Variants in POLR3B observed in about 807,000 individuals in gnomAD.
POLR3B encodes DNA-directed RNA polymerase III subunit RPC2.
A neutral mutation model predicts 147.4 loss-of-function variants in POLR3B; 96 were observed. That is an observed-to-expected ratio of 0.65 (90% confidence interval 0.55 to 0.77). POLR3B has a LOEUF of 0.77. Ranked by LOEUF, POLR3B falls within the 30% of genes least tolerant of loss-of-function variation. The probability of loss-of-function intolerance (pLI) is 0.00; values close to 1 mark genes in which losing one functional copy is unlikely to be tolerated. For missense variants in POLR3B, 1,036 were observed against 1,413.5 expected (o/e 0.73, Z 4.28); for synonymous variants, 461 against 485.9 (o/e 0.95, Z 0.67).
chr12:106,452,306 A>G (rs548360111), intron 19 of POLR3B, among the ~76,000 whole-genome samples: 1 of 152,358 alleles, frequency 6.6e-6, no homozygotes, highest in Non-Finnish European at 1.5e-5. Context: ...AAAGGCCTTT[A>G]GAGAAAACTT....
intron 19 of POLR3B, among the ~76,000 whole-genome samples, chr12:106,453,890 C>T (rs2037831661): frequency 6.6e-6 from 1 of 152,134 alleles, no homozygotes; most frequent in Non-Finnish European, 1.5e-5. Flanking sequence ...GGGGCCAAGC[C>T]TTTTCTCATT....
At chr12:106,421,027 T>C (rs1187488123) in intron 12 of POLR3B, among the ~76,000 whole-genome samples, 1 of 152,232 alleles carries the variant, frequency 6.6e-6, no homozygotes, top group Non-Finnish European at 1.5e-5. Context: ...TTGAACTTTA[T>C]AGAAATAGAT....
intron 19 of POLR3B, among the ~76,000 whole-genome samples, chr12:106,452,644 T>C (rs1285980568): frequency 6.6e-6 from 1 of 152,196 alleles, no homozygotes; most frequent in Non-Finnish European, 1.5e-5. Flanking sequence ...TTATTGTCAG[T>C]GAACTTTACC....
At chr12:106,470,997 G>C (rs1417535932) in intron 23 of POLR3B, among the ~76,000 whole-genome samples, 1 of 152,194 alleles carries the variant, frequency 6.6e-6, no homozygotes, top group Non-Finnish European at 1.5e-5. Context: ...CTTCAGAGTT[G>C]TCAGGCAGTG....
At chr12:106,378,817 T>G (rs1488129561) in intron 8 of POLR3B, among the ~76,000 whole-genome samples, 2 of 152,312 alleles carry the variant, frequency 1.3e-5, no homozygotes, top group African/African-American at 4.8e-5. Context: ...TAACACCCTA[T>G]TGTTAGTTTT....
chr12:106,445,941 T>C (rs1300727137), intron 19 of POLR3B, among the ~76,000 whole-genome samples: 1 of 152,244 alleles, frequency 6.6e-6, no homozygotes, highest in Non-Finnish European at 1.5e-5. Flanking sequence ...TCTGGTTAGC[T>C]ACAGAGAAAT....
intron 9 of POLR3B, among the ~76,000 whole-genome samples, chr12:106,383,382 C>T (rs558189599): frequency 1.3e-5 from 2 of 152,284 alleles, no homozygotes; most frequent in East Asian, 3.9e-4. Flanking sequence ...TAGCTTTTGG[C>T]CTGTCTCAGC....
chr12:106,442,045 A>G (rs1027579000), intron 18 of POLR3B, among the ~76,000 whole-genome samples: 10 of 150,296 alleles, frequency 6.7e-5, no homozygotes, highest in African/African-American at 2.5e-4. Context: ...GCACCATTGC[A>G]CTCCAGCCTG....
intron 27 of POLR3B, among the ~76,000 whole-genome samples, chr12:106,505,654 G>T (rs1287156302): frequency 6.6e-6 from 1 of 152,098 alleles, no homozygotes; most frequent in Non-Finnish European, 1.5e-5. Flanking sequence ...AGAGCTTCCA[G>T]CCTCACCCCC....
chr12:106,370,039 T>A (rs1299117233), intron 6 of POLR3B, among the ~76,000 whole-genome samples: 1 of 152,230 alleles, frequency 6.6e-6, no homozygotes, highest in Non-Finnish European at 1.5e-5. Context: ...TTTTCTCATC[T>A]ACAAGTATTT....
At chr12:106,415,727 G>A (rs1044368654) in intron 12 of POLR3B, among the ~76,000 whole-genome samples, 18 of 152,116 alleles carry the variant, frequency 1.2e-4, no homozygotes, top group Admixed American at 6.6e-5. Flanking sequence ...AAAAAGTAAT[G>A]TTAGCAGTAA....
At chr12:106,376,316 G>A (rs760020682) in intron 6 of POLR3B, 43 bp from the exon 7 acceptor site, 46 of 1,352,580 alleles carry the variant, frequency 3.4e-5, no homozygotes, top group Non-Finnish European at 4.7e-5. Context: ...TTTTATCATT[G>A]ACAGCCTACA....
At chr12:106,418,553 G>C (rs1224069414) in intron 12 of POLR3B, among the ~76,000 whole-genome samples, 1 of 152,190 alleles carries the variant, frequency 6.6e-6, no homozygotes, top group African/African-American at 2.4e-5. Context: ...AAGCTAATTG[G>C]TGAAACTGTA....
intron 19 of POLR3B, among the ~76,000 whole-genome samples, chr12:106,445,802 C>A (rs764165614): frequency 6.6e-5 from 10 of 152,096 alleles, no homozygotes; most frequent in Non-Finnish European, 1.3e-4. Flanking sequence ...GGGTAACAAC[C>A]AGAATGCATT....
At chr12:106,492,931 G>A (rs191310138) in intron 23 of POLR3B, among the ~76,000 whole-genome samples, 1 of 152,084 alleles carries the variant, frequency 6.6e-6, no homozygotes, top group East Asian at 1.9e-4. Context: ...GTAGTCTGTG[G>A]TCCAATTCCC....
chr12:106,507,842 G>C (rs953643779), intron 27 of POLR3B: 14 of 454,538 alleles, frequency 3.1e-5, no homozygotes, highest in African/African-American at 1.6e-4. Flanking sequence ...TTTACTGATT[G>C]CAAAAATGAT....
intron 9 of POLR3B, 39 bp from the exon 10 acceptor site, chr12:106,392,992 C>T: frequency 6.2e-7 from 1 of 1,613,160 alleles, no homozygotes; most frequent in Non-Finnish European, 8.5e-7. Flanking sequence ...TGAGTTAACA[C>T]AAAGCCAACA....
At chr12:106,500,790 A>G (rs1190654455) in intron 25 of POLR3B, among the ~76,000 whole-genome samples, 1 of 152,186 alleles carries the variant, frequency 6.6e-6, no homozygotes, top group Non-Finnish European at 1.5e-5. Context: ...CTGGAATAGG[A>G]AACAGTGAGG....
intron 12 of POLR3B, among the ~76,000 whole-genome samples, chr12:106,418,727 A>G (rs116663530): frequency 0.028 from 4,255 of 152,248 alleles, 100 homozygotes; most frequent in African/African-American, 0.06. Flanking sequence ...TATCACCAGC[A>G]TTCCTTCCCT....
Sources: allele counts gnomAD v4.1 joint callset (sites outside exome capture counted in the v4.1 genomes callset), GRCh38; gene constraint gnomAD v4.1.1; transcripts MANE v1.5; gene names NCBI Gene and HGNC (gene_info 2026-07-23, HGNC 2026-07-21).